SLC22A9: variants seen among roughly 807,000 people sequenced by gnomAD.
The protein encoded by SLC22A9 is solute carrier family 22 member 9.
A neutral mutation model predicts 50.1 loss-of-function variants in SLC22A9; 64 were observed. The observed-to-expected ratio is 1.28, with a 90% CI of 1.04 to 1.57. SLC22A9 has a LOEUF of 1.57. SLC22A9 is among the 40% of genes most tolerant of loss of function. The pLI, the probability that SLC22A9 is intolerant of heterozygous loss-of-function variation, is 0.00. For missense variants in SLC22A9, 757 were observed against 676.1 expected, an observed-to-expected ratio of 1.12 and a Z score of -1.33; for synonymous variants, 261 against 242.5, an observed-to-expected ratio of 1.08 and a Z score of -0.71.
At position 63,370,427 on chromosome 11, in the gene SLC22A9, G is replaced by A. The variant is rs1266586874; in HGVS notation, c.371G>A (p.Arg124Lys). Reference protein sequence around the residue: ...EPCVDGWVYDRISFSSTIVTE... With the variant: ...EPCVDGWVYDKISFSSTIVTE... ...TGTGTGGATGGCTGGGTGTATGACAGAATCTCCTTCTCATCCACCATCGTG... is the reference window on the plus strand; with the variant it reads ...TGTGTGGATGGCTGGGTGTATGACAAAATCTCCTTCTCATCCACCATCGTG... Residue 124 changes from arginine to lysine, a missense_variant, in exon 1 of 10, where the codon AGA becomes AAA. Physicochemically the swap from Arg to Lys is conservative, Grantham distance 26 (BLOSUM62 2). Transcript: ENST00000279178. The A allele has an allele frequency of 1.2e-6, 2 of 1,602,224 alleles. No individual in the cohort carries two copies. Among genetic ancestry groups the A allele is most frequent in the African/African-American group, 2.7e-5 (2 of 74,592 alleles).
At chr11:63,371,283 C>T (rs760828828) in intron 2 of SLC22A9, 45 bp downstream of exon 2, 1 of 1,395,900 alleles carries the variant, frequency 7.2e-7, no homozygotes. Context: ...CATTTTTTAT[C>T]AACTTATGAA....
chr11:63,410,257 A>AAAAAAAAAAAAAAAGAAGG lies in SLC22A9; in HGVS notation c.*398_*399insAAAAAAAAAAAGAAGGAAA. ...CTGTCTCAAAAAAAAAAAAAAAAAAAAAAGAAAGAAGGAAAGAAAGAAAGA... is the reference window on the plus strand; with the variant it reads ...CTGTCTCAAAAAAAAAAAAAAAAAAAAAAAAAAAAAAAAAGAAGGAAAGAAAGAAGGAAAGAAAGAAAGA... On this transcript the variant is annotated 3_prime_UTR_variant, in exon 10 of 10. Coordinates refer to ENST00000279178, the MANE Select transcript of SLC22A9 (RefSeq NM_080866.3). 5.5e-5 allele frequency: 6 copies of AAAAAAAAAAAAAAAGAAGG among 108,466 alleles called. No individual in the cohort carries two copies. Among genetic ancestry groups the AAAAAAAAAAAAAAAGAAGG allele is most frequent in the South Asian group, 3.4e-4 (1 of 2,920 alleles). 6.7% of individuals were successfully genotyped at this position (108,466 alleles called of 1,614,324 possible). A position where few individuals can be genotyped will look rare whatever the true frequency, so the allele number is the denominator to read the frequency against.
At chr11:63,380,945 C>T (rs2014550017) in intron 5 of SLC22A9, among the ~76,000 whole-genome samples, 1 of 152,048 alleles carries the variant, frequency 6.6e-6, no homozygotes, top group African/African-American at 2.4e-5. Context: ...ACTGATGATC[C>T]CATCAGTTTC....
chr11:63,392,893 C>T (rs1362729186), intron 6 of SLC22A9, among the ~76,000 whole-genome samples: 2 of 151,978 alleles, frequency 1.3e-5, no homozygotes, highest in East Asian at 3.9e-4. Context: ...TCACATTTTC[C>T]AATTTCTTGA....
intron 7 of SLC22A9, 69 bp from the exon 8 acceptor site, chr11:63,408,043 C>T: frequency 7.6e-7 from 1 of 1,316,014 alleles, no homozygotes; most frequent in Non-Finnish European, 1.1e-6. Flanking sequence ...GTCCTTTTCA[C>T]TTCTACCTTG....
intron 6 of SLC22A9, among the ~76,000 whole-genome samples, chr11:63,396,559 G>A (rs1283849256): frequency 6.6e-6 from 1 of 152,134 alleles, no homozygotes; most frequent in Non-Finnish European, 1.5e-5. Flanking sequence ...CCTGGCTCCT[G>A]CAGGAGCAGT....
rs772674268 is a variant in SLC22A9, at chr11:63,370,498, G to A, written c.402+40G>A. Reference sequence around the variant, plus strand: ...TCTCGTCTCATGAGTATGTGACCTGGGTGTTTAGAATAACACAAGTAATAA... The same window carrying A: ...TCTCGTCTCATGAGTATGTGACCTGAGTGTTTAGAATAACACAAGTAATAA... On this transcript the variant is annotated intron_variant, in intron 1 of 9. Transcript: ENST00000279178. 17 of 1,520,680 alleles carry A rather than the reference G, an allele frequency of 1.1e-5. 1 individual carries two copies. The South Asian group carries it at 2.1e-4, about 19-fold the overall frequency. 94.2% of individuals were successfully genotyped at this position (1,520,680 alleles called of 1,614,324 possible).
chr11:63,370,989 A>G (rs1011569024), intron 1 of SLC22A9, 146 bp from the exon 2 acceptor site: 7 of 567,450 alleles, frequency 1.2e-5, no homozygotes, highest in Non-Finnish European at 2.2e-5. Context: ...GACCTGAATA[A>G]CAAAGGTCAG....
At position 63,386,988 on chromosome 11, in the gene SLC22A9, G is replaced by T. The variant is rs594667; in HGVS notation, c.1073+4711G>T. On this transcript the variant is annotated intron_variant, in intron 6 of 9. Coordinates refer to ENST00000279178, the MANE Select transcript of SLC22A9 (RefSeq NM_080866.3). ...CCAGTTCTTTTAGTTGTGATGTTAG[G>T]GTGTTGATTTGAGATCTTTCTAGCT... 6.3e-3 allele frequency among the ~76,000 whole-genome samples: 954 copies of T among 151,666 alleles called. 12 individuals carry two copies. The highest frequency in any genetic ancestry group is 0.021 in the African/African-American group (885 of 41,358).
rs771943563 is a variant in SLC22A9, at chr11:63,408,736, C to T, written c.1458C>T (p.Leu486=). 1.1e-5 allele frequency: 18 copies of T among 1,613,918 alleles called. No homozygotes were observed. The highest frequency in any genetic ancestry group is 1.5e-5 in the Non-Finnish European group (18 of 1,179,960). ...FANIAGALAP[L]MMILSVYSPP... is the part of the protein sequence containing the mutation. Reference sequence around the variant, plus strand: ...ATATAGCAGGAGCCCTGGCTCCCCTCATGATGATCCTAAGTGTGTATTCTC... The same window carrying T: ...ATATAGCAGGAGCCCTGGCTCCCCTTATGATGATCCTAAGTGTGTATTCTC... The change falls in exon 9 of 10, where the codon CTC becomes CTT. Residue 486 remains leucine, a synonymous_variant. Coordinates refer to ENST00000279178, the MANE Select transcript of SLC22A9 (RefSeq NM_080866.3).
intron 6 of SLC22A9, among the ~76,000 whole-genome samples, chr11:63,392,220 C>T (rs1331737057): frequency 6.6e-6 from 1 of 151,952 alleles, no homozygotes. Flanking sequence ...ATCTTTTAAT[C>T]TTCCTACTCA....
chr11:63,395,268 C>T (rs2014833380), intron 6 of SLC22A9, among the ~76,000 whole-genome samples: 1 of 152,028 alleles, frequency 6.6e-6, no homozygotes, highest in Admixed American at 6.5e-5. Context: ...TGGTTTGGAT[C>T]CATTGCTGGT....
intron 7 of SLC22A9, 86 bp from the exon 8 acceptor site, chr11:63,408,026 C>T (rs1250953019): frequency 3.7e-6 from 4 of 1,072,798 alleles, no homozygotes; most frequent in Non-Finnish European, 5.6e-6. Context: ...CAAACACCTC[C>T]AATACAGTCC....
At chr11:63,396,536 A>G (rs1565187944) in intron 6 of SLC22A9, among the ~76,000 whole-genome samples, 1 of 152,014 alleles carries the variant, frequency 6.6e-6, no homozygotes, top group South Asian at 2.1e-4. Flanking sequence ...CACTCATCGT[A>G]TTTGGGATAT....
In SLC22A9 at chr11:63,373,880, G is replaced by A; in HGVS notation, c.662-14G>A. The stretch of plus-strand genomic sequence containing the variant: ...CACCTTTGAAGTCAAAGCCTTATCT[G>A]TTTTTTCTTCCAGTAGCCGAGTGGG... On this transcript the variant is annotated splice_polypyrimidine_tract_variant and intron_variant, in intron 3 of 9. Transcript: ENST00000279178. The A allele has an allele frequency of 6.8e-6, 11 of 1,611,622 alleles. No homozygotes were observed. The highest frequency in any genetic ancestry group is 9.3e-6 in the Non-Finnish European group (11 of 1,178,800).
chr11:63,409,999 G>A lies in SLC22A9; in HGVS notation c.*137G>A. 1.2e-6 allele frequency: 1 copy of A among 849,944 alleles called. No homozygotes were observed. Among genetic ancestry groups the A allele is most frequent in the Admixed American group, 2.4e-5 (1 of 41,240 alleles). 52.7% of individuals were successfully genotyped at this position (849,944 alleles called of 1,614,324 possible). On this transcript the variant is annotated 3_prime_UTR_variant, in exon 10 of 10. Transcript: ENST00000279178. ...CTCACGCCTGTAATCCCAGCACCTT[G>A]GGAGGCTGAGGCGGGCAGATCATGA...
chr11:63,370,484 G>C, intron 1 of SLC22A9, 26 bp downstream of exon 1: 1 of 1,541,008 alleles, frequency 6.5e-7, no homozygotes, highest in South Asian at 1.3e-5. Flanking sequence ...CTCGTCTCAT[G>C]AGTATGTGAC....
chr11:63,406,516 T>C lies in SLC22A9; in HGVS notation c.1093T>C (p.Tyr365His). The part of the protein sequence containing the change: ...SFTRFANFMA[Y>H]FGLNLHVQHL... ...TCACAGATTTGCAAACTTTATGGCC[T>C]ATTTTGGCCTTAATCTCCATGTCCA... is the stretch of plus-strand genomic sequence containing the variant. Residue 365 changes from tyrosine (Y) to histidine (H), a missense_variant, in exon 7 of 10, where the codon TAT (tyrosine) becomes CAT (histidine). Tyr to His is a moderately conservative substitution (Grantham distance 83, BLOSUM62 2). Transcript: ENST00000279178. 6.2e-7 allele frequency: 1 copy of C among 1,613,658 alleles called. No individual in the cohort carries two copies. Among genetic ancestry groups the C allele is most frequent in the Non-Finnish European group, 8.5e-7 (1 of 1,179,678 alleles).
rs2015123393 is a variant in SLC22A9, at chr11:63,410,280, A to AGAAAGAAAGAAAGAAAGAAG, written c.*422_*423insGAAAGAAAGAAAGAAGGAAA. ...AAAAAAGAAAGAAGGAAAGAAAGAA[A>AGAAAGAAAGAAAGAAAGAAG]GAAAAGAAAAGAAATAACAAGATAT... On this transcript the variant is annotated 3_prime_UTR_variant, in exon 10 of 10. Coordinates refer to ENST00000279178, the MANE Select transcript of SLC22A9 (RefSeq NM_080866.3). 3 of 151,654 alleles carry AGAAAGAAAGAAAGAAAGAAG rather than the reference A, an allele frequency of 2.0e-5. No individual in the cohort carries two copies. The highest frequency in any genetic ancestry group is 7.4e-5 in the African/African-American group (3 of 40,498). The allele number at this position is 151,654 out of a possible 1,614,324, so 9.4% of individuals were successfully genotyped here.
Sources: gnomAD v4.1 joint callset for allele counts (sites outside exome capture counted in the v4.1 genomes callset) on GRCh38, gnomAD v4.1.1 for gene constraint, MANE v1.5 for transcripts, NCBI Gene and HGNC (gene_info 2026-07-23, HGNC 2026-07-21) for gene names.